PRPSAP2: variants seen among roughly 807,000 people sequenced by gnomAD.
The protein encoded by PRPSAP2 is phosphoribosyl pyrophosphate synthetase associated protein 2, also known as phosphoribosyl pyrophosphate synthase-associated protein 2.
A neutral mutation model predicts 40.6 loss-of-function variants in PRPSAP2; 24 were observed. The ratio of observed to expected loss-of-function variants is 0.59; its 90% CI spans 0.43 to 0.83. The LOEUF (loss-of-function observed/expected upper bound fraction) is 0.83. PRPSAP2 is among the 40% of genes least tolerant of loss of function. The probability of loss-of-function intolerance (pLI) is 0.00; values close to 1 mark genes in which losing one functional copy is unlikely to be tolerated. For synonymous variants in PRPSAP2, 149 were observed against 164.7 expected, an observed-to-expected ratio of 0.90 and a Z score of 0.73; for missense variants, 292 against 465.6, an observed-to-expected ratio of 0.63 and a Z score of 3.43.
At chr17:18,881,874 T>C (rs560505895) in intron 6 of PRPSAP2, among the ~76,000 whole-genome samples, 5 of 145,260 alleles carry the variant, frequency 3.4e-5, no homozygotes, top group Non-Finnish European at 7.5e-5. Context: ...GGAGTCTTGC[T>C]CTGTCACCCA....
intron 7 of PRPSAP2, among the ~76,000 whole-genome samples, chr17:18,885,543 A>G (rs2039077370): frequency 6.6e-6 from 1 of 151,192 alleles, no homozygotes; most frequent in African/African-American, 2.4e-5. Context: ...GGCTTACTGC[A>G]GCCTCCGCCT....
At chr17:18,879,202 C>T (rs189215361) in intron 6 of PRPSAP2, among the ~76,000 whole-genome samples, 82 of 152,256 alleles carry the variant, frequency 5.4e-4, no homozygotes, top group African/African-American at 1.5e-3. Flanking sequence ...GTATGTATCA[C>T]GGAGCATTTG....
chr17:18,913,651 A>C (rs907417765), intron 9 of PRPSAP2, among the ~76,000 whole-genome samples: 1 of 146,154 alleles, frequency 6.8e-6, no homozygotes, highest in Non-Finnish European at 1.5e-5. Flanking sequence ...GGGCCCAAGC[A>C]GTCCTCCCAC....
chr17:18,896,704 CA>C (rs1370980073), intron 8 of PRPSAP2, among the ~76,000 whole-genome samples: 1 of 148,242 alleles, frequency 6.7e-6, no homozygotes, highest in Non-Finnish European at 1.5e-5. Context: ...GGACTATTCA[CA>C]CAGAGTGACT....
intron 8 of PRPSAP2, among the ~76,000 whole-genome samples, chr17:18,899,960 C>T (rs543491058): frequency 6.6e-6 from 1 of 152,346 alleles, no homozygotes; most frequent in East Asian, 1.9e-4. Flanking sequence ...TATCACAGCT[C>T]ACTGCAACCT....
At chr17:18,930,204 C>G (rs1229334913) in intron 11 of PRPSAP2, among the ~76,000 whole-genome samples, 1 of 152,026 alleles carries the variant, frequency 6.6e-6, no homozygotes, top group Non-Finnish European at 1.5e-5. Flanking sequence ...AACCCCGTCT[C>G]TACTAAAAAT....
intron 9 of PRPSAP2, among the ~76,000 whole-genome samples, chr17:18,922,371 C>T (rs1263908335): frequency 6.6e-6 from 1 of 152,122 alleles, no homozygotes; most frequent in Non-Finnish European, 1.5e-5. Context: ...TCTTTTTTCA[C>T]AGCAGCTGCA....
intron 6 of PRPSAP2, among the ~76,000 whole-genome samples, 164 bp from the exon 7 acceptor site, chr17:18,882,404 T>C (rs1222392386): frequency 1.3e-5 from 2 of 151,820 alleles, no homozygotes; most frequent in East Asian, 2.0e-4. Flanking sequence ...CCAGCTACTT[T>C]CAAGGCTGAG....
intron 8 of PRPSAP2, among the ~76,000 whole-genome samples, chr17:18,890,836 T>G (rs1055672656): frequency 6.6e-6 from 1 of 152,212 alleles, no homozygotes; most frequent in African/African-American, 2.4e-5. Flanking sequence ...GCCAGTTATT[T>G]GTATATGTTA....
chr17:18,863,100 A>G (rs963107325), intron 1 of PRPSAP2, among the ~76,000 whole-genome samples: 23 of 151,968 alleles, frequency 1.5e-4, no homozygotes, highest in African/African-American at 5.6e-4. Context: ...GATTACAGGC[A>G]TGAGCCACCG....
chr17:18,930,905 T>G lies in PRPSAP2; in HGVS notation c.*207T>G. 1 of 383,966 alleles carries G rather than the reference T, an allele frequency of 2.6e-6. No individual in the cohort carries two copies. The highest frequency in any genetic ancestry group is 4.6e-6 in the Non-Finnish European group (1 of 217,952). The allele number at this position is 383,966 out of a possible 1,614,324, so 23.8% of individuals were successfully genotyped here. On this transcript the variant is annotated 3_prime_UTR_variant, in exon 12 of 12. Transcript: ENST00000268835. The stretch of plus-strand genomic sequence containing the variant: ...GAGCAATTTTTATAAAAGAAAAACT[T>G]TATTCTCCTCTTTTGAAAAGGTAAG...
intron 7 of PRPSAP2, among the ~76,000 whole-genome samples, chr17:18,885,258 A>C (rs1421105446): frequency 6.6e-6 from 1 of 151,676 alleles, no homozygotes; most frequent in African/African-American, 2.4e-5. Context: ...AAAATTAACC[A>C]GGTGTGGTGG....
intron 9 of PRPSAP2, among the ~76,000 whole-genome samples, chr17:18,922,691 T>TGC (rs1555564503): frequency 7.7e-6 from 1 of 129,498 alleles, no homozygotes; most frequent in African/African-American, 2.9e-5. Flanking sequence ...TTTTTTTTTT[T>TGC]GCGACAGGGC....
Position 18,882,522 on chromosome 17 carries a change from A to G in PRPSAP2, c.413-46A>G, listed in dbSNP as rs758713439. On this transcript the variant is annotated intron_variant, in intron 6 of 11. Coordinates refer to ENST00000268835, the MANE Select transcript of PRPSAP2 (RefSeq NM_002767.4). Reference sequence around the variant, plus strand: ...TGGGATCCCATCTTAAAAAAAAAAAACAAAAACAAAACTATTTATTGCTTG... The same window carrying G: ...TGGGATCCCATCTTAAAAAAAAAAAGCAAAAACAAAACTATTTATTGCTTG... The G allele has an allele frequency of 6.1e-5, 81 of 1,318,234 alleles. 4 individuals carry two copies. In the South Asian group the frequency reaches 1.0e-3, roughly 16 times the overall value. 81.7% of individuals were successfully genotyped at this position (1,318,234 alleles called of 1,614,324 possible). A position where few individuals can be genotyped will look rare whatever the true frequency, so the allele number is the denominator to read the frequency against.
Position 18,887,538 on chromosome 17 carries a change from A to G in PRPSAP2, c.529-2284A>G, listed in dbSNP as rs946574092. Among the ~76,000 whole-genome samples the G allele has an allele frequency of 4.6e-5, 7 of 152,198 alleles. No homozygotes were observed. In the South Asian group the frequency reaches 1.5e-3, roughly 32 times the overall value. On this transcript the variant is annotated intron_variant, in intron 7 of 11. Transcript: ENST00000268835. ...GCCACCGTGCCTGGCCATCTTTGGG[A>G]ATTTTTTTTAATCTGTTAAGTATTT...
At chr17:18,874,200 C>T (rs1472409163) in intron 5 of PRPSAP2, among the ~76,000 whole-genome samples, 3 of 152,102 alleles carry the variant, frequency 2.0e-5, no homozygotes, top group African/African-American at 7.2e-5. Flanking sequence ...GAAGGTGAGC[C>T]TATCACACCT....
At chr17:18,859,511 C>T (rs1031659635) in intron 1 of PRPSAP2, 5 of 152,216 alleles carry the variant, frequency 3.3e-5, no homozygotes, top group Admixed American at 6.5e-5. Context: ...GCTTCCCTGT[C>T]TAAAATGGGT....
intron 5 of PRPSAP2, among the ~76,000 whole-genome samples, chr17:18,874,828 G>A (rs1431662056): frequency 1.3e-5 from 2 of 152,210 alleles, no homozygotes; most frequent in African/African-American, 2.4e-5. Context: ...TAGGGAAGGG[G>A]CGGGCACAGA....
chr17:18,876,337 T>C (rs2038296483), intron 5 of PRPSAP2, among the ~76,000 whole-genome samples: 1 of 152,214 alleles, frequency 6.6e-6, no homozygotes, highest in Non-Finnish European at 1.5e-5. Context: ...TCCACTCTTA[T>C]CCTTCCCATA....
Sources: allele counts gnomAD v4.1 joint callset (sites outside exome capture counted in the v4.1 genomes callset), GRCh38; gene constraint gnomAD v4.1.1; transcripts MANE v1.5; gene names NCBI Gene and HGNC (gene_info 2026-07-23, HGNC 2026-07-21).